The following SLC19A2 variants were observed in gnomAD, a reference collection of about 807,000 sequenced individuals.
SLC19A2 encodes thiamine transporter 1.
In SLC19A2, 27 loss-of-function variants were observed where a neutral mutation model predicts 44.7. The ratio of observed to expected loss-of-function variants is 0.60; its 90% confidence interval spans 0.45 to 0.83. The LOEUF is 0.83. Ranked by LOEUF, SLC19A2 falls within the 40% of genes least tolerant of loss-of-function variation. The pLI is 0.00. For synonymous variants in SLC19A2, 239 were observed against 243.6 expected (o/e 0.98, Z 0.18); for missense variants, 566 against 613.7 (o/e 0.92, Z 0.82).
At position 169,465,343 on chromosome 1, in the gene SLC19A2, T is replaced by C. The variant is rs1372923326; in HGVS notation, c.*506A>G. The C allele has an allele frequency of 6.2e-6, 1 of 160,508 alleles. No individual in the cohort carries two copies. Among genetic ancestry groups the C allele is most frequent in the Non-Finnish European group, 1.4e-5 (1 of 72,650 alleles). 9.9% of individuals were successfully genotyped at this position (160,508 alleles called of 1,614,324 possible). On this transcript the variant is annotated 3_prime_UTR_variant, in exon 6 of 6. Coordinates refer to ENST00000236137, the MANE Select transcript of SLC19A2 (RefSeq NM_006996.3). The stretch of plus-strand genomic sequence containing the variant: ...TATTGCCAGTGATAGAATAACTATG[T>C]AGAAAGACCAATGTACATGAGTAAC...
At chr1:169,470,337 C>T in intron 2 of SLC19A2, 151 bp from the exon 3 acceptor site, 1 of 725,062 alleles carries the variant, frequency 1.4e-6, no homozygotes, top group South Asian at 1.6e-5. Context: ...CATTTATCCC[C>T]TCTGGCGAAA....
chr1:169,468,658 G>GA lies in SLC19A2; in HGVS notation c.1208dup (p.Ile404HisfsTer80). On this transcript the variant is annotated frameshift_variant, in exon 4 of 6. Transcript: ENST00000236137. LOFTEE classifies it high-confidence loss of function. ...AAAATACATACGTTGCTATCGTGAT[G>GA]AGTAACATGTAGATGATTCTGAAGA... The GA allele has an allele frequency of 6.2e-7, 1 of 1,613,572 alleles. No homozygotes were observed. Among genetic ancestry groups the GA allele is most frequent in the East Asian group, 2.2e-5 (1 of 44,864 alleles).
intron 1 of SLC19A2, among the ~76,000 whole-genome samples, chr1:169,481,065 G>C (rs1255700261): frequency 1.3e-5 from 2 of 152,146 alleles, no homozygotes; most frequent in Non-Finnish European, 2.9e-5. Context: ...TTCTAAATAA[G>C]AAACCTGCAT....
chr1:169,482,029 T>C (rs1362352498), intron 1 of SLC19A2, among the ~76,000 whole-genome samples: 1 of 139,194 alleles, frequency 7.2e-6, no homozygotes, highest in African/African-American at 2.7e-5. Flanking sequence ...CAAAACCCCA[T>C]CTCTACTAAA....
chr1:169,470,752 A>C (rs1226016340), intron 2 of SLC19A2, among the ~76,000 whole-genome samples: 2 of 152,166 alleles, frequency 1.3e-5, no homozygotes, highest in African/African-American at 4.8e-5. Context: ...ATAGTATTAT[A>C]ATAAAGTAAT....
Position 169,485,550 on chromosome 1 carries a change from C to T in SLC19A2, c.204+13G>A, listed in dbSNP as rs575467657. On this transcript the variant is annotated intron_variant, in intron 1 of 5. Coordinates refer to ENST00000236137, the MANE Select transcript of SLC19A2 (RefSeq NM_006996.3). ...CGCCCGCCCTTCCCGCGCCCCGCGT[C>T]CGCCGCGCGTACCTCCCTCTCGGTC... is the stretch of plus-strand genomic sequence containing the variant. 4.4e-6 allele frequency: 7 copies of T among 1,577,216 alleles called. No individual in the cohort carries two copies. The African/African-American group carries it at 8.1e-5, about 18-fold the overall frequency.
chr1:169,484,927 T>C (rs116029865), intron 1 of SLC19A2, among the ~76,000 whole-genome samples: 104 of 152,312 alleles, frequency 6.8e-4, no homozygotes, highest in Non-Finnish European at 1.0e-3. Context: ...CAATTATGTT[T>C]CACCATCTGC....
At chr1:169,480,276 T>A (rs557906512) in intron 1 of SLC19A2, among the ~76,000 whole-genome samples, 1 of 152,246 alleles carries the variant, frequency 6.6e-6, no homozygotes, top group South Asian at 2.1e-4. Flanking sequence ...AACTTGTCAT[T>A]CCTTTGTGGC....
Position 169,465,614 on chromosome 1 carries a change from G to GA in SLC19A2, c.*234dup, listed in dbSNP as rs1467924856. The GA allele has an allele frequency of 7.8e-6, 4 of 514,364 alleles. No homozygotes were observed. The East Asian group carries it at 1.5e-4, about 19-fold the overall frequency. 31.9% of individuals were successfully genotyped at this position (514,364 alleles called of 1,614,324 possible). A position where few individuals can be genotyped will look rare whatever the true frequency, so the allele number is the denominator to read the frequency against. On this transcript the variant is annotated 3_prime_UTR_variant, in exon 6 of 6. Transcript: ENST00000236137. ...TAAAATCAAGTTCACTTTTGAATCAGAAAAAAAGTCATCCTTAAATTAGCT... is the reference window on the plus strand; with the variant it reads ...TAAAATCAAGTTCACTTTTGAATCAGAAAAAAAAGTCATCCTTAAATTAGCT...
chr1:169,466,568 A>G (rs1175119653), intron 5 of SLC19A2, among the ~76,000 whole-genome samples: 2 of 151,924 alleles, frequency 1.3e-5, no homozygotes, highest in African/African-American at 4.8e-5. Context: ...CAGAATGTGC[A>G]GATTTGTTAT....
intron 5 of SLC19A2, among the ~76,000 whole-genome samples, chr1:169,467,133 A>G (rs1658012034): frequency 6.6e-6 from 1 of 152,166 alleles, no homozygotes; most frequent in African/African-American, 2.4e-5. Flanking sequence ...CTCAACTGTA[A>G]TAGTCCTGGG....
At position 169,477,945 on chromosome 1, in the gene SLC19A2, C is replaced by T. The variant is rs542179913; in HGVS notation, c.205-188G>A. Among the ~76,000 whole-genome samples, 37 of 152,196 alleles carry T rather than the reference C, an allele frequency of 2.4e-4. 1 individual carries two copies. The highest frequency in any genetic ancestry group is 6.8e-3 in the Middle Eastern group (2 of 294). On this transcript the variant is annotated intron_variant, in intron 1 of 5. Coordinates refer to ENST00000236137, the MANE Select transcript of SLC19A2 (RefSeq NM_006996.3). ...TTGTTTGAGATGGAGTCTTGTTCTG[C>T]GCCCAGGCTGGAGTGCAGTGGTACG... is the stretch of plus-strand genomic sequence containing the variant.
intron 1 of SLC19A2, among the ~76,000 whole-genome samples, chr1:169,484,450 G>T (rs1184827669): frequency 3.9e-5 from 6 of 152,148 alleles, no homozygotes; most frequent in Non-Finnish European, 7.4e-5. Context: ...GGGCAAGGAG[G>T]CAGGGTGGAA....
chr1:169,472,295 A>T (rs147370026), intron 2 of SLC19A2, among the ~76,000 whole-genome samples: 171 of 152,348 alleles, frequency 1.1e-3, no homozygotes, highest in African/African-American at 3.8e-3. Flanking sequence ...TCAGTTGCTT[A>T]ACCAATATAA....
Position 169,468,119 on chromosome 1 carries a change from T to C in SLC19A2, c.1357A>G (p.Thr453Ala). 6.2e-7 allele frequency: 1 copy of C among 1,614,000 alleles called. No homozygotes were observed. Among genetic ancestry groups the C allele is most frequent in the Non-Finnish European group, 8.5e-7 (1 of 1,179,874 alleles). ...CAAAGGAGAGATCTTACCTGAGTGG[T>C]AATTTCTAATCCAAGGCCACTGGCA... ...VDASGLGLEI[T>A]TQFLIYASYF... The change falls in exon 5 of 6, where the codon ACC becomes GCC. Residue 453 changes from threonine to alanine, a missense_variant. Thr to Ala is a moderately conservative substitution (Grantham distance 58). Coordinates refer to ENST00000236137, the MANE Select transcript of SLC19A2 (RefSeq NM_006996.3).
chr1:169,477,268 C>A lies in SLC19A2; in HGVS notation c.694G>T (p.Val232Leu), dbSNP rs1658344582. 6.2e-7 allele frequency: 1 copy of A among 1,614,108 alleles called. No individual in the cohort carries two copies. The highest frequency in any genetic ancestry group is 2.2e-5 in the East Asian group (1 of 44,890). Residue 232 changes from valine to leucine, a missense_variant, in exon 2 of 6, where the codon GTA becomes TTA. Val to Leu is a conservative substitution (Grantham distance 32, BLOSUM62 1). Transcript: ENST00000236137. Reference protein sequence around the residue: ...STCQRVNGIKVQNGGIVTDTP... With the variant: ...STCQRVNGIKLQNGGIVTDTP... ...TCAGTAACAATGCCACCATTTTGTA[C>A]CTTGATGCCATTCACTCTCTGGCAG... is the stretch of plus-strand genomic sequence containing the variant.
At chr1:169,472,245 C>T (rs1482002580) in intron 2 of SLC19A2, among the ~76,000 whole-genome samples, 1 of 152,166 alleles carries the variant, frequency 6.6e-6, no homozygotes, top group Non-Finnish European at 1.5e-5. Context: ...TCAAGGTCCA[C>T]CAGTTTTATT....
rs751070350 is a variant in SLC19A2 at position 169,470,010 on chromosome 1, A to G, written c.984T>C (p.Tyr328=). 6.2e-7 allele frequency: 1 copy of G among 1,614,044 alleles called. No individual in the cohort carries two copies. The highest frequency in any genetic ancestry group is 1.7e-5 in the Admixed American group (1 of 60,012). ...CCACGCCACCATTATAGATAGCAGC[A>G]TAGCGAGAAGGCATCACTTTCTCCC... The part of the protein sequence containing the change: ...GLWEKVMPSR[Y]AAIYNGGVEA... The change falls in exon 3 of 6, where the codon TAT becomes TAC. Residue 328 remains tyrosine (Y), a synonymous_variant. Coordinates refer to ENST00000236137, the MANE Select transcript of SLC19A2 (RefSeq NM_006996.3).
chr1:169,485,486 T>C lies in SLC19A2; in HGVS notation c.204+77A>G, dbSNP rs1175663409. 1.3e-5 allele frequency: 19 copies of C among 1,491,230 alleles called. 1 individual carries two copies. The East Asian group carries it at 3.9e-4, about 31-fold the overall frequency. 92.4% of individuals were successfully genotyped at this position (1,491,230 alleles called of 1,614,324 possible). Reference sequence around the variant, plus strand: ...GCCGAGAATGGCTCGAGCGCTTTTCTCGGTCCTCTCTTCCTCCGCTGCCCA... The same window carrying C: ...GCCGAGAATGGCTCGAGCGCTTTTCCCGGTCCTCTCTTCCTCCGCTGCCCA... On this transcript the variant is annotated intron_variant, in intron 1 of 5. Coordinates refer to ENST00000236137, the MANE Select transcript of SLC19A2 (RefSeq NM_006996.3).
Sources: allele counts gnomAD v4.1 joint callset (sites outside exome capture counted in the v4.1 genomes callset), GRCh38; gene constraint gnomAD v4.1.1; transcripts MANE v1.5; gene names NCBI Gene and HGNC (gene_info 2026-07-23, HGNC 2026-07-21).